FRAS1: variants seen among roughly 807,000 people sequenced by gnomAD.
The protein encoded by FRAS1 is extracellular matrix organizing protein FRAS1.
In FRAS1, 290 loss-of-function variants were observed where a neutral mutation model predicts 435.2. The observed-to-expected ratio is 0.67, with a 90% CI of 0.61 to 0.73. The LOEUF is 0.73. FRAS1 is among the 30% of genes least tolerant of loss of function. The pLI is 0.00. For synonymous variants in FRAS1, 1,800 were observed against 1,851.0 expected, an observed-to-expected ratio of 0.97 and a Z score of 0.71; for missense variants, 4,860 against 5,001.5, an observed-to-expected ratio of 0.97 and a Z score of 0.85.
chr4:78,059,876 G>A (rs1739675472), intron 1 of FRAS1, among the ~76,000 whole-genome samples: 1 of 139,034 alleles, frequency 7.2e-6, no homozygotes, highest in Admixed American at 7.3e-5. Flanking sequence ...CAGAAAGCTG[G>A]GGGTAGAGAC....
chr4:78,121,037 T>C (rs1004090262), intron 2 of FRAS1, among the ~76,000 whole-genome samples: 1 of 152,186 alleles, frequency 6.6e-6, no homozygotes, highest in Non-Finnish European at 1.5e-5. Context: ...TTTGATACTT[T>C]AGCACTTTAC....
intron 2 of FRAS1, among the ~76,000 whole-genome samples, chr4:78,203,657 C>T (rs1265040299): frequency 6.6e-6 from 1 of 152,114 alleles, no homozygotes; most frequent in African/African-American, 2.4e-5. Flanking sequence ...ACCTCCACCT[C>T]CTGGGTTCAA....
At chr4:78,098,482 C>A (rs1215333622) in intron 2 of FRAS1, among the ~76,000 whole-genome samples, 1 of 151,980 alleles carries the variant, frequency 6.6e-6, no homozygotes, top group Non-Finnish European at 1.5e-5. Flanking sequence ...ACCATGTTGG[C>A]CAGGCTGGTC....
At chr4:78,274,651 C>G (rs1358938962) in intron 9 of FRAS1, among the ~76,000 whole-genome samples, 1 of 152,156 alleles carries the variant, frequency 6.6e-6, no homozygotes, top group African/African-American at 2.4e-5. Flanking sequence ...ATCCTGAGTT[C>G]TAGTTTGATT....
At chr4:78,146,359 A>C (rs1490631308) in intron 2 of FRAS1, among the ~76,000 whole-genome samples, 3 of 152,142 alleles carry the variant, frequency 2.0e-5, no homozygotes, top group Admixed American at 6.6e-5. Context: ...ACAGATATAT[A>C]TTGATTTTCA....
intron 13 of FRAS1, among the ~76,000 whole-genome samples, chr4:78,285,819 T>C (rs1436045488): frequency 6.6e-6 from 1 of 152,146 alleles, no homozygotes; most frequent in Non-Finnish European, 1.5e-5. Context: ...TTGATACAGG[T>C]TAGGTGCCTA....
intron 2 of FRAS1, chr4:78,072,009 G>T (rs1437990179): frequency 1.3e-5 from 2 of 151,260 alleles, no homozygotes; most frequent in Admixed American, 6.6e-5. Context: ...TCTCCATATT[G>T]CTAAATATGT....
intron 2 of FRAS1, among the ~76,000 whole-genome samples, chr4:78,122,979 A>G (rs190618581): frequency 0.011 from 1,629 of 152,150 alleles, 28 homozygotes; most frequent in African/African-American, 0.036. Context: ...TCTTTAGTTT[A>G]ATTAGATCCC....
rs748084914 is a variant in FRAS1, at chr4:78,419,009, A to C, written c.4486A>C (p.Lys1496Gln). Reference sequence around the variant, plus strand: ...TTCCCTCTCCTTCATAAACTCTGAGAAGCCAAGTGGAAAGATTGTCTACAA... The same window carrying C: ...TTCCCTCTCCTTCATAAACTCTGAGCAGCCAAGTGGAAAGATTGTCTACAA... ...PHSLSFINSE[K>Q]PSGKIVYNIT... is the part of the protein sequence containing the mutation. The change falls in exon 33 of 74, where the codon AAG becomes CAG. Residue 1496 changes from lysine to glutamine, a missense_variant. By Grantham distance (53) the Lys-to-Gln change is moderately conservative. Transcript: ENST00000512123. 1.2e-6 allele frequency: 2 copies of C among 1,603,690 alleles called. No homozygotes were observed. Among genetic ancestry groups the C allele is most frequent in the Non-Finnish European group, 1.7e-6 (2 of 1,176,524 alleles).
chr4:78,058,320 C>T (rs1266508284), intron 1 of FRAS1, among the ~76,000 whole-genome samples: 1 of 151,998 alleles, frequency 6.6e-6, no homozygotes, highest in Non-Finnish European at 1.5e-5. Context: ...CCCTCTCTGC[C>T]CTAAGTGCTT....
intron 22 of FRAS1, among the ~76,000 whole-genome samples, chr4:78,366,274 TTTGGTA>T (rs1731264000): frequency 6.6e-6 from 1 of 152,182 alleles, no homozygotes; most frequent in Non-Finnish European, 1.5e-5. Flanking sequence ...ACCATAGTGC[TTTGGTA>T]TTGGAGGAGA....
intron 43 of FRAS1, among the ~76,000 whole-genome samples, 183 bp from the exon 44 acceptor site, chr4:78,447,870 A>T (rs1035162631): frequency 2.8e-4 from 43 of 152,134 alleles, no homozygotes; most frequent in African/African-American, 8.9e-4. Context: ...TTATTTGTGT[A>T]TGAGGCCACA....
Position 78,317,528 on chromosome 4 carries a change from CATT to C in FRAS1, c.1960+21_1960+23del, listed in dbSNP as rs1200442718. On this transcript the variant is annotated intron_variant, in intron 17 of 73. Transcript: ENST00000512123. ...GCAAAGGTATCGTTGGTGTCACCAT[CATT>C]CTTGAGAGGCTATCCCACAAGAACA... The C allele has an allele frequency of 6.2e-7, 1 of 1,601,878 alleles. No individual in the cohort carries two copies. Among genetic ancestry groups the C allele is most frequent in the East Asian group, 2.2e-5 (1 of 44,654 alleles).
intron 45 of FRAS1, among the ~76,000 whole-genome samples, chr4:78,450,971 A>G (rs1397813797): frequency 1.3e-5 from 2 of 152,210 alleles, no homozygotes; most frequent in Non-Finnish European, 2.9e-5. Context: ...GTGGAAATAT[A>G]CCCCTGCGGA....
rs1383651247 is a variant in FRAS1 at position 78,341,260 on chromosome 4, G to A, written c.2422+3443G>A. Among the ~76,000 whole-genome samples the A allele has an allele frequency of 7.2e-5, 11 of 152,176 alleles. 1 individual carries two copies. Among genetic ancestry groups the A allele is most frequent in the Admixed American group, 7.2e-4 (11 of 15,282 alleles). ...TGGGCCAAAGAGGATTATTTATTGA[G>A]ACACCCATAAAGAGTTGAGTCCTGT... On this transcript the variant is annotated intron_variant, in intron 20 of 73. Coordinates refer to ENST00000512123, the MANE Select transcript of FRAS1 (RefSeq NM_025074.7).
intron 9 of FRAS1, among the ~76,000 whole-genome samples, chr4:78,268,163 T>C (rs1306112356): frequency 1.3e-5 from 2 of 152,190 alleles, no homozygotes; most frequent in East Asian, 3.8e-4. Flanking sequence ...AATTTCCCTG[T>C]GGGCCGTGAA....
chr4:78,304,561 C>T (rs1348899466), intron 14 of FRAS1, among the ~76,000 whole-genome samples: 1 of 151,958 alleles, frequency 6.6e-6, no homozygotes, highest in African/African-American at 2.4e-5. Context: ...TTGGTCTATT[C>T]AGAGATTCAA....
At chr4:78,334,942 T>G (rs452319) in intron 19 of FRAS1, among the ~76,000 whole-genome samples, 14,546 of 151,804 alleles carry the variant, frequency 0.096, 2,103 homozygotes, top group African/African-American at 0.32. Context: ...TTAAATTTTT[T>G]GTAGAGACAG....
intron 6 of FRAS1, among the ~76,000 whole-genome samples, chr4:78,257,459 T>C (rs1725847322): frequency 2.0e-5 from 3 of 152,200 alleles, no homozygotes; most frequent in African/African-American, 7.2e-5. Flanking sequence ...CACAAGTTTA[T>C]CAGTACAAAT....
Sources: gnomAD v4.1 joint callset for allele counts (sites outside exome capture counted in the v4.1 genomes callset) on GRCh38, gnomAD v4.1.1 for gene constraint, MANE v1.5 for transcripts, NCBI Gene and HGNC (gene_info 2026-07-23, HGNC 2026-07-21) for gene names.